PCSK2: variants seen among roughly 807,000 people sequenced by gnomAD.
PCSK2 encodes neuroendocrine convertase 2.
PCSK2 carries 14 observed loss-of-function variants against 69.7 expected under a neutral mutation model. The ratio of observed to expected loss-of-function variants is 0.20; its 90% CI spans 0.13 to 0.31. The LOEUF is 0.31. PCSK2 is among the 10% of genes least tolerant of loss of function. The pLI is 1.00. For missense variants in PCSK2, 544 were observed against 842.5 expected, an observed-to-expected ratio of 0.65 and a Z score of 4.39; for synonymous variants, 307 against 320.7, an observed-to-expected ratio of 0.96 and a Z score of 0.46.
At chr20:17,379,639 AC>A (rs1485256184) in intron 5 of PCSK2, among the ~76,000 whole-genome samples, 1 of 152,102 alleles carries the variant, frequency 6.6e-6, no homozygotes, top group Non-Finnish European at 1.5e-5. Flanking sequence ...TAAGATTTCC[AC>A]CCTCTGCTGT....
At chr20:17,339,535 T>C (rs762578458) in intron 2 of PCSK2, among the ~76,000 whole-genome samples, 10 of 152,164 alleles carry the variant, frequency 6.6e-5, no homozygotes, top group Non-Finnish European at 1.2e-4. Flanking sequence ...CTTGAAGGCT[T>C]CTGGAATTTT....
intron 2 of PCSK2, among the ~76,000 whole-genome samples, chr20:17,294,098 CTTT>C (rs34805695): frequency 1.4e-5 from 1 of 73,978 alleles, no homozygotes; most frequent in Admixed American, 2.0e-4. Context: ...AAAGTATTTT[CTTT>C]TTTTTTTTTT....
chr20:17,436,676 A>G (rs2032489544), intron 7 of PCSK2, 32 bp from the exon 8 acceptor site: 1 of 1,583,438 alleles, frequency 6.3e-7, no homozygotes, highest in Non-Finnish European at 8.6e-7. Flanking sequence ...GGGGAACCCA[A>G]ACATGGTGTC....
intron 6 of PCSK2, among the ~76,000 whole-genome samples, chr20:17,413,555 GA>G (rs1171469457): frequency 1.3e-5 from 2 of 152,126 alleles, no homozygotes; most frequent in African/African-American, 4.8e-5. Context: ...GACCTACAAA[GA>G]GACTTAGAGT....
chr20:17,232,826 G>C (rs1429256871), intron 1 of PCSK2, among the ~76,000 whole-genome samples: 3 of 152,160 alleles, frequency 2.0e-5, no homozygotes, highest in Non-Finnish European at 4.4e-5. Flanking sequence ...TTGATCATAA[G>C]CATTCCCTGA....
chr20:17,240,088 G>A (rs576624451), intron 1 of PCSK2, among the ~76,000 whole-genome samples: 38 of 151,922 alleles, frequency 2.5e-4, no homozygotes, highest in Non-Finnish European at 5.0e-4. Context: ...TCCTGACCTC[G>A]TGATCCACCT....
chr20:17,467,715 T>C (rs1234690227), intron 11 of PCSK2, among the ~76,000 whole-genome samples: 1 of 152,210 alleles, frequency 6.6e-6, no homozygotes, highest in Non-Finnish European at 1.5e-5. Flanking sequence ...TTTTTTTCTC[T>C]TTCCTCACCA....
chr20:17,443,860 A>G (rs181825260), intron 8 of PCSK2, among the ~76,000 whole-genome samples: 202 of 152,362 alleles, frequency 1.3e-3, no homozygotes, highest in African/African-American at 4.7e-3. Context: ...TGATCTTCAG[A>G]TGACAGCAAG....
At chr20:17,277,515 T>C (rs1462101657) in intron 2 of PCSK2, among the ~76,000 whole-genome samples, 1 of 152,166 alleles carries the variant, frequency 6.6e-6, no homozygotes, top group Non-Finnish European at 1.5e-5. Flanking sequence ...TGGCTAGCCA[T>C]ATGTAGAAAC....
chr20:17,361,589 C>G (rs776906915), intron 4 of PCSK2, among the ~76,000 whole-genome samples: 6 of 152,190 alleles, frequency 3.9e-5, no homozygotes, highest in Non-Finnish European at 8.8e-5. Flanking sequence ...GAGCCTTTCC[C>G]ATCCGAAGAT....
At chr20:17,378,622 TG>T (rs2030999472) in intron 5 of PCSK2, among the ~76,000 whole-genome samples, 1 of 118,580 alleles carries the variant, frequency 8.4e-6, no homozygotes, top group African/African-American at 2.8e-5. Flanking sequence ...GATGGATGGA[TG>T]GATGGATGGA....
intron 2 of PCSK2, among the ~76,000 whole-genome samples, chr20:17,293,975 GCTTA>G (rs1988782145): frequency 2.0e-5 from 3 of 151,474 alleles, no homozygotes; most frequent in African/African-American, 7.3e-5. Context: ...TTTCTTTTAA[GCTTA>G]CTGTCTATTT....
At chr20:17,304,702 C>A (rs186645985) in intron 2 of PCSK2, among the ~76,000 whole-genome samples, 22 of 152,296 alleles carry the variant, frequency 1.4e-4, no homozygotes, top group African/African-American at 4.8e-4. Context: ...GTTTTAATTG[C>A]AGCTCAATTC....
intron 2 of PCSK2, among the ~76,000 whole-genome samples, chr20:17,305,884 A>T (rs891112296): frequency 6.6e-6 from 1 of 152,344 alleles, no homozygotes; most frequent in Non-Finnish European, 1.5e-5. Context: ...ATACACAAAA[A>T]CTAAACAAAA....
chr20:17,243,366 A>C (rs1471153798), intron 1 of PCSK2, among the ~76,000 whole-genome samples: 1 of 151,894 alleles, frequency 6.6e-6, no homozygotes, highest in Non-Finnish European at 1.5e-5. Flanking sequence ...TAATCTGACT[A>C]GGTTTTTATT....
chr20:17,284,654 T>A (rs540607311), intron 2 of PCSK2, among the ~76,000 whole-genome samples: 95 of 152,236 alleles, frequency 6.2e-4, no homozygotes, highest in African/African-American at 2.2e-3. Context: ...TTGTACTAGG[T>A]TTGTTGCCCG....
At chr20:17,419,781 T>C (rs970434479) in intron 6 of PCSK2, among the ~76,000 whole-genome samples, 1 of 152,190 alleles carries the variant, frequency 6.6e-6, no homozygotes. Flanking sequence ...TGTATTCCAT[T>C]ACTGTGCTGT....
At chr20:17,466,186 G>C (rs1016802878) in intron 11 of PCSK2, among the ~76,000 whole-genome samples, 2 of 151,996 alleles carry the variant, frequency 1.3e-5, no homozygotes, top group African/African-American at 4.8e-5. Context: ...AAGGCCCCCT[G>C]CCGTGACCAC....
chr20:17,266,332 T>C (rs1482700979), intron 2 of PCSK2, among the ~76,000 whole-genome samples: 1 of 152,212 alleles, frequency 6.6e-6, no homozygotes, highest in African/African-American at 2.4e-5. Flanking sequence ...TTAAAGTTAA[T>C]ACTTTTGATA....
Sources: allele counts gnomAD v4.1 joint callset (sites outside exome capture counted in the v4.1 genomes callset), GRCh38; gene constraint gnomAD v4.1.1; transcripts MANE v1.5; gene names NCBI Gene and HGNC (gene_info 2026-07-23, HGNC 2026-07-21).